The following MIS18A variants were observed in gnomAD, a reference collection of about 807,000 sequenced individuals.
MIS18A encodes protein Mis18-alpha.
MIS18A carries 14 observed loss-of-function variants against 25.0 expected under a neutral mutation model. The observed-to-expected ratio is 0.56, with a 90% CI of 0.37 to 0.88. The LOEUF is 0.88. Ranked by LOEUF, MIS18A falls within the 40% of genes least tolerant of loss-of-function variation. MIS18A has a pLI of 0.00. For missense variants in MIS18A, 292 were observed against 290.8 expected (o/e 1.00, Z -0.03); for synonymous variants, 134 against 118.6 (o/e 1.13, Z -0.84).
At chr21:32,165,366 A>C in the MIS18A span, among the ~76,000 whole-genome samples, 560 of 152,112 alleles carry the variant, frequency 3.7e-3, 4 homozygotes, top group South Asian at 0.012. Context: ...CAAAATAATC[A>C]AAAATCCTCA....
At chr21:32,267,978 G>A (rs2031635566), downstream of MIS18A, among the ~76,000 whole-genome samples, 1 of 152,196 alleles carries the variant, frequency 6.6e-6, no homozygotes, top group South Asian at 2.1e-4. Context: ...TTTGCTCTGA[G>A]AACTTTAGTA....
chr21:32,243,433 G>C, the MIS18A span, among the ~76,000 whole-genome samples: 3 of 152,256 alleles, frequency 2.0e-5, no homozygotes, highest in African/African-American at 7.2e-5. Flanking sequence ...CACTAGAATA[G>C]GTGTGTTACC....
chr21:32,242,065 A>G, the MIS18A span, among the ~76,000 whole-genome samples: 11 of 152,330 alleles, frequency 7.2e-5, no homozygotes, highest in East Asian at 1.5e-3. Flanking sequence ...TGTTTTTAGT[A>G]GAGACGGGGT....
the MIS18A span, among the ~76,000 whole-genome samples, chr21:32,197,604 A>G: frequency 9.2e-5 from 14 of 152,340 alleles, no homozygotes; most frequent in Admixed American, 9.1e-4. Context: ...ATCAAATCAA[A>G]ATTAGAACTA....
intron 2 of MIS18A, among the ~76,000 whole-genome samples, chr21:32,272,853 TAGAA>T (rs1330346130): frequency 1.3e-5 from 2 of 152,168 alleles, no homozygotes; most frequent in Non-Finnish European, 2.9e-5. Context: ...GAGCTAGAGC[TAGAA>T]AGTGGAGAAG....
At position 32,268,678 on chromosome 21, in the gene MIS18A, A is replaced by C. The variant is rs1364332411; in HGVS notation, c.*359T>G. The C allele has an allele frequency of 1.2e-5, 2 of 162,244 alleles. No homozygotes were observed. The highest frequency in any genetic ancestry group is 4.8e-5 in the African/African-American group (2 of 41,906). 10.1% of individuals were successfully genotyped at this position (162,244 alleles called of 1,614,324 possible). The stretch of plus-strand genomic sequence containing the variant: ...ATTATCCCAGTTTCTTATCAAAATC[A>C]AAACTCCTAAGTCCCAATTCCAACA... On this transcript the variant is annotated 3_prime_UTR_variant, in exon 5 of 5. Coordinates refer to ENST00000290130, the MANE Select transcript of MIS18A (RefSeq NM_018944.3).
chr21:32,157,125 G>C, the MIS18A span, among the ~76,000 whole-genome samples: 93 of 140,940 alleles, frequency 6.6e-4, no homozygotes, highest in African/African-American at 2.3e-3. Flanking sequence ...GCGTGATCTT[G>C]GCTCACTGCA....
At chr21:32,205,439 G>C in the MIS18A span, among the ~76,000 whole-genome samples, 1 of 151,960 alleles carries the variant, frequency 6.6e-6, no homozygotes, top group African/African-American at 2.4e-5. Context: ...TAGTTTCTGG[G>C]ATCATATTGC....
At chr21:32,240,179 T>A in the MIS18A span, among the ~76,000 whole-genome samples, 1 of 152,232 alleles carries the variant, frequency 6.6e-6, no homozygotes, top group Admixed American at 6.5e-5. Context: ...ATCAACCAAT[T>A]ACATGATGCA....
intron 1 of MIS18A, among the ~76,000 whole-genome samples, chr21:32,276,551 T>C (rs940787760): frequency 3.3e-5 from 5 of 150,664 alleles, no homozygotes; most frequent in Admixed American, 3.3e-4. Context: ...GGAGCACTAA[T>C]GATTAATCAA....
the MIS18A span, among the ~76,000 whole-genome samples, chr21:32,194,153 G>A: frequency 9.9e-5 from 15 of 152,150 alleles, no homozygotes; most frequent in African/African-American, 3.6e-4. Flanking sequence ...GGACCCACAC[G>A]TGTGCCTTTC....
At chr21:32,211,229 T>C in the MIS18A span, among the ~76,000 whole-genome samples, 1 of 152,152 alleles carries the variant, frequency 6.6e-6, no homozygotes, top group Non-Finnish European at 1.5e-5. Context: ...TTAGTAGAGA[T>C]GGGGTTTCAA....
At chr21:32,245,944 G>A in the MIS18A span, among the ~76,000 whole-genome samples, 2 of 152,254 alleles carry the variant, frequency 1.3e-5, no homozygotes, top group Non-Finnish European at 2.9e-5. Flanking sequence ...TACAGGAAAC[G>A]TGATGCTGGC....
the MIS18A span, among the ~76,000 whole-genome samples, chr21:32,177,789 A>T: frequency 6.6e-6 from 1 of 152,134 alleles, no homozygotes; most frequent in African/African-American, 2.4e-5. Context: ...AATTATTAGT[A>T]AGTAAAGAGA....
the MIS18A span, among the ~76,000 whole-genome samples, chr21:32,221,149 C>T: frequency 1.3e-5 from 2 of 152,106 alleles, no homozygotes; most frequent in Non-Finnish European, 2.9e-5. Flanking sequence ...AGATACTCCT[C>T]GAGAAGAGCA....
chr21:32,270,542 A>G lies in MIS18A; in HGVS notation c.402-13T>C. On this transcript the variant is annotated splice_polypyrimidine_tract_variant and intron_variant, in intron 2 of 4. Transcript: ENST00000290130. ...AGTCTCAAGGACGCTGCAATAAAGA[A>G]ATGTCTTGCTTTAGGAAACGAAGCA... 1.3e-6 allele frequency: 2 copies of G among 1,527,012 alleles called. No individual in the cohort carries two copies. The highest frequency in any genetic ancestry group is 1.8e-6 in the Non-Finnish European group (2 of 1,139,476). 94.6% of individuals were successfully genotyped at this position (1,527,012 alleles called of 1,614,324 possible).
the MIS18A span, among the ~76,000 whole-genome samples, chr21:32,259,485 C>A: frequency 1.3e-5 from 2 of 152,196 alleles, no homozygotes; most frequent in African/African-American, 4.8e-5. Context: ...TCCCTGACAC[C>A]TTCCTAGCCT....
chr21:32,265,500 A>G (rs572016473), downstream of MIS18A, among the ~76,000 whole-genome samples: 36 of 152,290 alleles, frequency 2.4e-4, no homozygotes, highest in South Asian at 1.0e-3. Flanking sequence ...GGGTGTACTG[A>G]GTCCCCCAGC....
At chr21:32,246,193 C>T in the MIS18A span, among the ~76,000 whole-genome samples, 1 of 152,176 alleles carries the variant, frequency 6.6e-6, no homozygotes, top group East Asian at 1.9e-4. Context: ...GCTCTACCTC[C>T]AACACTAGGG....
Sources: allele counts gnomAD v4.1 joint callset (sites outside exome capture counted in the v4.1 genomes callset), GRCh38; gene constraint gnomAD v4.1.1; transcripts MANE v1.5; gene names NCBI Gene and HGNC (gene_info 2026-07-23, HGNC 2026-07-21).